Variants in TTC19 observed in about 807,000 individuals in gnomAD.
TTC19 encodes the protein tetratricopeptide repeat domain 19.
TTC19 carries 38 observed loss-of-function variants against 49.5 expected under a neutral mutation model. The ratio of observed to expected loss-of-function variants is 0.77; its 90% CI spans 0.59 to 1.01. The LOEUF (loss-of-function observed/expected upper bound fraction) is 1.01. TTC19 is among the 50% of genes least tolerant of loss of function. TTC19 has a pLI of 0.00. For missense variants in TTC19, 475 were observed against 477.7 expected, an observed-to-expected ratio of 0.99 and a Z score of 0.05; for synonymous variants, 204 against 185.2, an observed-to-expected ratio of 1.10 and a Z score of -0.83.
intron 6 of TTC19, among the ~76,000 whole-genome samples, chr17:16,006,059 TC>T (rs1970899261): frequency 1.3e-5 from 2 of 152,208 alleles, no homozygotes; most frequent in African/African-American, 4.8e-5. Context: ...ATTTTACACT[TC>T]CTTTACTGAT....
chr17:16,037,642 C>T (rs1236054364), intron 2 of TTC19, among the ~76,000 whole-genome samples: 1 of 152,168 alleles, frequency 6.6e-6, no homozygotes, highest in Non-Finnish European at 1.5e-5. Context: ...TGACCAACCC[C>T]CCTTTCCCAA....
rs2151640023 is a variant in TTC19 at position 15,999,952 on chromosome 17, G to A, written c.104G>A (p.Gly35Asp). The A allele has an allele frequency of 4.5e-6, 6 of 1,323,006 alleles. No homozygotes were observed. The highest frequency in any genetic ancestry group is 5.8e-6 in the Non-Finnish European group (6 of 1,042,390). 82.0% of individuals were successfully genotyped at this position (1,323,006 alleles called of 1,614,324 possible). The change falls in exon 1 of 10, where the codon GGT becomes GAT. Residue 35 changes from glycine (G) to aspartate (D), a missense_variant. Physicochemically the swap from Gly to Asp is moderately conservative, Grantham distance 94. Transcript: ENST00000261647. ...SARLLPGLAGGPGPEVQVPPS... is the reference protein window; with the variant it reads ...SARLLPGLAGDPGPEVQVPPS... Reference sequence around the variant, plus strand: ...CGCCTGCTCCCGGGGCTGGCAGGAGGTCCGGGGCCCGAGGTGCAGGTGCCG... The same window carrying A: ...CGCCTGCTCCCGGGGCTGGCAGGAGATCCGGGGCCCGAGGTGCAGGTGCCG...
intron 7 of TTC19, among the ~76,000 whole-genome samples, chr17:16,010,763 T>G (rs1159743561): frequency 6.6e-6 from 1 of 152,176 alleles, no homozygotes; most frequent in African/African-American, 2.4e-5. Flanking sequence ...TGAGCCACTG[T>G]GCCCGGCCCC....
At chr17:16,006,652 T>C in intron 7 of TTC19, 84 bp downstream of exon 7, 2 of 992,032 alleles carry the variant, frequency 2.0e-6, no homozygotes, top group African/African-American at 1.6e-5. Flanking sequence ...GAGATCTAAA[T>C]TGGGAAGAGG....
At chr17:16,040,053 G>A (rs1567650199) in intron 2 of TTC19, 1 of 419,322 alleles carries the variant, frequency 2.4e-6, no homozygotes, top group Non-Finnish European at 4.6e-6. Context: ...GCCTCCCAAA[G>A]TGCTGGGATT....
chr17:16,001,955 T>A lies in TTC19; in HGVS notation c.353T>A (p.Ile118Asn), dbSNP rs781360490. Residue 118 changes from isoleucine to asparagine, a missense_variant, in exon 3 of 10, where the codon ATT becomes AAT. By Grantham distance (149) the Ile-to-Asn change is moderately radical (BLOSUM62 -3). Transcript: ENST00000261647. ...GATGAGCCAGAAGAGGCTGAGTTAA[T>A]TTTGCATGACGCTCTTCGTCTCGCC... is the stretch of plus-strand genomic sequence containing the variant. ...MKDEPEEAEL[I>N]LHDALRLAYQ... is the part of the protein sequence containing the mutation. 21 of 1,613,466 alleles carry A rather than the reference T, an allele frequency of 1.3e-5. No individual in the cohort carries two copies. The highest frequency in any genetic ancestry group is 1.5e-5 in the Non-Finnish European group (18 of 1,179,968).
At position 16,027,376 on chromosome 17, in the gene TTC19, C is replaced by T. The variant is rs192522753; in HGVS notation, c.997C>T (p.Arg333Ter). Residue 333 changes from arginine to a stop codon, truncating the protein, a stop_gained and splice_region_variant, in exon 10 of 10, where the codon CGA becomes TGA. Coordinates refer to ENST00000261647, the MANE Select transcript of TTC19 (RefSeq NM_017775.4). LOFTEE classifies it high-confidence loss of function. ...NLAAVLMHRE[R>*]YTQAKEIYQE... ...CCCTTCTCTCTGGGTTATTTTAGAA[C>T]GATATACACAAGCAAAAGAGATCTA... The T allele has an allele frequency of 2.3e-5, 37 of 1,613,748 alleles. No homozygotes were observed. The highest frequency in any genetic ancestry group is 2.7e-5 in the African/African-American group (2 of 74,946).
intron 7 of TTC19, among the ~76,000 whole-genome samples, chr17:16,017,448 C>CAAA (rs372559333): frequency 1.9e-5 from 1 of 53,678 alleles, no homozygotes; most frequent in African/African-American, 5.2e-5. Context: ...GACTCCGGCT[C>CAAA]AAAAAAAAAA....
At chr17:16,016,723 A>C (rs1487103911) in intron 7 of TTC19, among the ~76,000 whole-genome samples, 1 of 151,686 alleles carries the variant, frequency 6.6e-6, no homozygotes, top group Non-Finnish European at 1.5e-5. Flanking sequence ...GCATCTGGCT[A>C]ATTTTTGTAT....
chr17:16,022,950 C>T (rs922097224), intron 7 of TTC19, among the ~76,000 whole-genome samples: 2 of 152,098 alleles, frequency 1.3e-5, no homozygotes, highest in Non-Finnish European at 2.9e-5. Flanking sequence ...ATATATTTCT[C>T]AGTTGTTATT....
intron 7 of TTC19, chr17:16,023,272 C>G (rs1235772897): frequency 2.0e-5 from 3 of 152,168 alleles, no homozygotes; most frequent in Non-Finnish European, 4.4e-5. Context: ...AGTTTTACTG[C>G]TTTTGCTTCC....
At chr17:16,003,277 G>A (rs1426802046) in intron 4 of TTC19, among the ~76,000 whole-genome samples, 1 of 151,906 alleles carries the variant, frequency 6.6e-6, no homozygotes, top group East Asian at 1.9e-4. Context: ...TTAAGATAAG[G>A]TCTTGCTCTG....
intron 8 of TTC19, among the ~76,000 whole-genome samples, 196 bp downstream of exon 8, chr17:16,025,367 G>A (rs542249659): frequency 6.6e-6 from 1 of 152,206 alleles, no homozygotes; most frequent in Non-Finnish European, 1.5e-5. Flanking sequence ...CTAGTTATCA[G>A]TTACTAGGTC....
chr17:16,012,947 A>G (rs1971116957), intron 7 of TTC19, among the ~76,000 whole-genome samples: 1 of 152,194 alleles, frequency 6.6e-6, no homozygotes, highest in Non-Finnish European at 1.5e-5. Context: ...TCAAGCCTGT[A>G]ACCCCAACAC....
At chr17:16,026,107 T>C (rs1186748221) in intron 8 of TTC19, among the ~76,000 whole-genome samples, 1 of 151,684 alleles carries the variant, frequency 6.6e-6, no homozygotes, top group African/African-American at 2.4e-5. Context: ...AGATGGTGTA[T>C]TTCTTGTTTT....
chr17:16,033,986 G>A (rs1267142775), downstream of TTC19, among the ~76,000 whole-genome samples: 5 of 152,200 alleles, frequency 3.3e-5, no homozygotes, highest in South Asian at 2.1e-4. Context: ...ATGAGCCACC[G>A]CGCCCAGCTA....
At chr17:16,039,407 G>A (rs2057129402) in intron 2 of TTC19, 1 of 1,602,904 alleles carries the variant, frequency 6.2e-7, no homozygotes. Flanking sequence ...AAAAGCAGCA[G>A]AAAAGCACTA....
At chr17:16,002,289 T>C (rs1157845133) in intron 3 of TTC19, among the ~76,000 whole-genome samples, 1 of 152,162 alleles carries the variant, frequency 6.6e-6, no homozygotes, top group Non-Finnish European at 1.5e-5. Context: ...GACGATTCTT[T>C]TGCCTCACCC....
chr17:16,000,627 TCTC>T (rs912503099), intron 2 of TTC19, among the ~76,000 whole-genome samples: 5 of 152,252 alleles, frequency 3.3e-5, no homozygotes, highest in South Asian at 4.2e-4. Flanking sequence ...GCGGTTCGGT[TCTC>T]CTCCTGAATT....
Sources: gnomAD v4.1 joint callset for allele counts (sites outside exome capture counted in the v4.1 genomes callset) on GRCh38, gnomAD v4.1.1 for gene constraint, MANE v1.5 for transcripts, NCBI Gene and HGNC (gene_info 2026-07-23, HGNC 2026-07-21) for gene names.